Variants in ABCA2 observed in about 807,000 individuals in gnomAD.
The protein encoded by ABCA2 is ATP-binding cassette sub-family A member 2.
ABCA2 carries 84 observed loss-of-function variants against 262.8 expected under a neutral mutation model. The observed-to-expected ratio is 0.32, with a 90% confidence interval of 0.27 to 0.38. The LOEUF is 0.38. Among genes scored for constraint, ABCA2 ranks in the 10% least tolerant of loss-of-function variants. ABCA2 has a pLI of 1.00. For missense variants in ABCA2, 2,662 were observed against 3,405.9 expected (o/e 0.78, Z 5.44); for synonymous variants, 1,696 against 1,502.9 (o/e 1.13, Z -2.97).
chr9:137,015,940 G>GTCCCCCCCC, intron 22 of ABCA2, 22 bp downstream of exon 22: 1 of 1,053,452 alleles, frequency 9.5e-7, no homozygotes, highest in Non-Finnish European at 1.2e-6. Flanking sequence ...CACCTGCCCC[G>GTCCCCCCCC]CCCCCCGCCC....
Position 137,014,393 on chromosome 9 carries a change from A to T in ABCA2, c.4015T>A (p.Ser1339Thr). The T allele has an allele frequency of 6.3e-7, 1 of 1,590,370 alleles. No individual in the cohort carries two copies. Among genetic ancestry groups the T allele is most frequent in the South Asian group, 1.1e-5 (1 of 87,858 alleles). ...GCCCCAGGGAGCACATCCTTCCTGG[A>T]CTCCTTCACATCTGCCGCAGTGGAA... is the stretch of plus-strand genomic sequence containing the variant. ...LENSEADVKE[S>T]RKDVLPGAEG... The change falls in exon 27 of 49, where the codon TCC becomes ACC. Residue 1339 changes from serine (S) to threonine (T), a missense_variant. By Grantham distance (58) the Ser-to-Thr change is moderately conservative. Coordinates refer to ENST00000341511, the MANE Select transcript of ABCA2 (RefSeq NM_001606.5).
rs566039284 is a variant in ABCA2, at chr9:137,017,984, G to A, written c.2085C>T (p.Tyr695=). ...CGCCCAGCACTCACTCATCGCGTGTGTAGCAGGGGTAGGGGAACATCTGCA... is the reference window on the plus strand; with the variant it reads ...CGCCCAGCACTCACTCATCGCGTGTATAGCAGGGGTAGGGGAACATCTGCA... ...SYVQMFPYPC[Y]TRDDFLFVIE... The change falls in exon 15 of 49, where the codon TAC becomes TAT. Residue 695 remains tyrosine (Y), a synonymous_variant. Coordinates refer to ENST00000341511, the MANE Select transcript of ABCA2 (RefSeq NM_001606.5). 11 of 1,612,752 alleles carry A rather than the reference G, an allele frequency of 6.8e-6. No homozygotes were observed. In the South Asian group the frequency reaches 1.1e-4, roughly 16 times the overall value.
Position 137,021,093 on chromosome 9 carries a change from G to C in ABCA2, c.898-32C>G. 1 of 1,457,142 alleles carries C rather than the reference G, an allele frequency of 6.9e-7. No homozygotes were observed. The highest frequency in any genetic ancestry group is 9.0e-7 in the Non-Finnish European group (1 of 1,105,834). 90.3% of individuals were successfully genotyped at this position (1,457,142 alleles called of 1,614,324 possible). ...GGAAACAGGCACGTGGGCAGTGCGGGGTGAGATGGACTGCAGGTGGGTGAT... is the reference window on the plus strand; with the variant it reads ...GGAAACAGGCACGTGGGCAGTGCGGCGTGAGATGGACTGCAGGTGGGTGAT... On this transcript the variant is annotated intron_variant, in intron 8 of 48. Coordinates refer to ENST00000341511, the MANE Select transcript of ABCA2 (RefSeq NM_001606.5). The surrounding 1 kb of genome is among the most constrained non-coding windows in gnomAD (Gnocchi z 6.0).
rs1830987562 is a variant in ABCA2 at position 137,010,273 on chromosome 9, A to G, written c.6273T>C (p.Gly2091=). ...TCTTGAAGGTGCTGGTCTTGCCCGCACCGTTGACGCCCAGGAGCCCGAAGC... is the reference window on the plus strand; with the variant it reads ...TCTTGAAGGTGCTGGTCTTGCCCGCGCCGTTGACGCCCAGGAGCCCGAAGC... ...GECFGLLGVN[G]AGKTSTFKML... Residue 2091 remains glycine, a synonymous_variant, in exon 41 of 49, where the codon GGT becomes GGC. Coordinates refer to ENST00000341511, the MANE Select transcript of ABCA2 (RefSeq NM_001606.5). 2.5e-6 allele frequency: 4 copies of G among 1,597,466 alleles called. No individual in the cohort carries two copies. The highest frequency in any genetic ancestry group is 2.3e-5 in the South Asian group (2 of 88,480).
In ABCA2 at chr9:137,020,896, G is replaced by T. The variant is rs763265864; in HGVS notation, c.1063C>A (p.Arg355=). 1 of 1,555,448 alleles carries T rather than the reference G, an allele frequency of 6.4e-7. No homozygotes were observed. Among genetic ancestry groups the T allele is most frequent in the African/African-American group, 1.4e-5 (1 of 73,690 alleles). Residue 355 remains arginine, a synonymous_variant, in exon 9 of 49, where the codon CGG becomes AGG. Transcript: ENST00000341511. ...CCACTGGCTGGGGGTCCGGGGGTCCGGCCAGTGCAGGCACCCTGGGGCAGT... is the reference window on the plus strand; with the variant it reads ...CCACTGGCTGGGGGTCCGGGGGTCCTGCCAGTGCAGGCACCCTGGGGCAGT... ...LLLPQGACTG[R]TPGPPASGAG... is the part of the protein sequence containing the mutation.
Position 137,013,469 on chromosome 9 carries a change from G to C in ABCA2, c.4542C>G (p.Arg1514=), listed in dbSNP as rs201649376. The change falls in exon 29 of 49, where the codon CGC becomes CGG. Residue 1514 remains arginine (R), a synonymous_variant. Transcript: ENST00000341511. ...CCCGCTGGAGGCCTCACCGGTACTC[G>C]CGGCGCTCCTCGTTGGCGTAGGGGA... is the stretch of plus-strand genomic sequence containing the variant. ...NFIPYANEER[R]EYRLRLSPDA... 699 of 1,605,574 alleles carry C rather than the reference G, an allele frequency of 4.4e-4. No individual in the cohort carries two copies. Among genetic ancestry groups the C allele is most frequent in the Non-Finnish European group, 5.8e-4 (687 of 1,177,816 alleles).
In ABCA2 at chr9:137,019,467, C is replaced by T. The variant is rs1831379387; in HGVS notation, c.1426-161G>A. The T allele has an allele frequency of 8.8e-6, 7 of 799,704 alleles. No individual in the cohort carries two copies. The highest frequency in any genetic ancestry group is 2.8e-5 in the East Asian group (1 of 35,866). The allele number at this position is 799,704 out of a possible 1,614,324, so 49.5% of individuals were successfully genotyped here. Reference sequence around the variant, plus strand: ...CCTGAGACAGGGTCTCAGTCACCCACGCTGGAGTGCAGTGGTGCAGTCCCA... The same window carrying T: ...CCTGAGACAGGGTCTCAGTCACCCATGCTGGAGTGCAGTGGTGCAGTCCCA... On this transcript the variant is annotated intron_variant, in intron 10 of 48. Coordinates refer to ENST00000341511, the MANE Select transcript of ABCA2 (RefSeq NM_001606.5). The surrounding 1 kb of genome is among the most constrained non-coding windows in gnomAD (Gnocchi z 4.4).
At chr9:137,010,495 C>A in intron 40 of ABCA2, 124 bp from the exon 41 acceptor site, 1 of 1,456,248 alleles carries the variant, frequency 6.9e-7, no homozygotes, top group South Asian at 1.3e-5. Context: ...AGCCCCACCC[C>A]ATGCAGGCCC....
chr9:137,007,918 G>T lies in ABCA2; in HGVS notation c.*11C>A, dbSNP rs779844043. ...AGTGGAGCGTGTCCTCCCTGGCCCA[G>T]CTCTGGGTGGTCAGCAGAGCGTGTC... On this transcript the variant is annotated 3_prime_UTR_variant, in exon 49 of 49. Transcript: ENST00000341511. 1 of 1,605,584 alleles carries T rather than the reference G, an allele frequency of 6.2e-7. No individual in the cohort carries two copies. The highest frequency in any genetic ancestry group is 8.5e-7 in the Non-Finnish European group (1 of 1,179,822).
Position 137,011,326 on chromosome 9 carries a change from G to A in ABCA2, c.5800-17C>T, listed in dbSNP as rs750627474. ...CTTCAGGTCCTGCGGGGTGGCCGGGGTCAGGGGCACAGGGGTGGCCGGGGT... is the reference window on the plus strand; with the variant it reads ...CTTCAGGTCCTGCGGGGTGGCCGGGATCAGGGGCACAGGGGTGGCCGGGGT... On this transcript the variant is annotated splice_polypyrimidine_tract_variant and intron_variant, in intron 37 of 48. Coordinates refer to ENST00000341511, the MANE Select transcript of ABCA2 (RefSeq NM_001606.5). The surrounding 1 kb of genome is among the most constrained non-coding windows in gnomAD (Gnocchi z 8.8). The A allele has an allele frequency of 5.0e-6, 8 of 1,607,804 alleles. No individual in the cohort carries two copies. The highest frequency in any genetic ancestry group is 6.8e-6 in the Non-Finnish European group (8 of 1,176,584).
rs1379394494 is a variant in ABCA2 at position 137,012,515 on chromosome 9, C to T, written c.5157G>A (p.Val1719=). The change falls in exon 32 of 49, where the codon GTG becomes GTA. Residue 1719 remains valine (V), a synonymous_variant. Coordinates refer to ENST00000341511, the MANE Select transcript of ABCA2 (RefSeq NM_001606.5). ...CAGCCCTGCGCACCGCGATCTTCCGCACCATGGGTGGGGCCCTGGTGCCAA... is the reference window on the plus strand; with the variant it reads ...CAGCCCTGCGCACCGCGATCTTCCGTACCATGGGTGGGGCCCTGGTGCCAA... ...ASFGTRAPPM[V]RKIAVRRAAQ... 2.4e-5 allele frequency: 39 copies of T among 1,611,942 alleles called. No homozygotes were observed. Among genetic ancestry groups the T allele is most frequent in the Non-Finnish European group, 3.3e-5 (39 of 1,179,866 alleles).
At position 137,021,317 on chromosome 9, in the gene ABCA2, C is replaced by A; in HGVS notation, c.897+75G>T. The A allele has an allele frequency of 1.9e-6, 3 of 1,550,526 alleles. No homozygotes were observed. The South Asian group carries it at 3.5e-5, about 18-fold the overall frequency. ...AGCCTGGGCCCAGGAGCCCTGAGCT[C>A]TCCAAGCGGTCCCAGCCCCTCCTTC... is the stretch of plus-strand genomic sequence containing the variant. On this transcript the variant is annotated intron_variant, in intron 8 of 48. Transcript: ENST00000341511. This position sits in a 1 kb window ranked among gnomAD's most constrained non-coding sequence, Gnocchi z 6.0.
In ABCA2 at chr9:137,025,156, G is replaced by C. The variant is rs189741628; in HGVS notation, c.67-920C>G. Among the ~76,000 whole-genome samples, 10 of 152,300 alleles carry C rather than the reference G, an allele frequency of 6.6e-5. No homozygotes were observed. In the East Asian group the frequency reaches 1.7e-3, roughly 26 times the overall value. On this transcript the variant is annotated intron_variant, in intron 1 of 48. Transcript: ENST00000341511. Reference sequence around the variant, plus strand: ...CTTGGAGCTCAGTTTCCCCAGGTCGGCTCCTGCTAACCCAGGCTGGGCACC... The same window carrying C: ...CTTGGAGCTCAGTTTCCCCAGGTCGCCTCCTGCTAACCCAGGCTGGGCACC...
Position 137,009,407 on chromosome 9 carries a change from G to A in ABCA2, c.6790C>T (p.Leu2264=). The A allele has an allele frequency of 7.1e-7, 1 of 1,405,754 alleles. No individual in the cohort carries two copies. The highest frequency in any genetic ancestry group is 3.9e-5 in the East Asian group (1 of 25,608). The allele number at this position is 1,405,754 out of a possible 1,614,324, so 87.1% of individuals were successfully genotyped here. The change falls in exon 45 of 49, where the codon CTG becomes TTG. Residue 2264 remains leucine, a synonymous_variant. Coordinates refer to ENST00000341511, the MANE Select transcript of ABCA2 (RefSeq NM_001606.5). ...TRLAIMVNGR[L]RCLGSIQHLK... ...TGCTGGATGCTGCCCAGGCACCGCA[G>A]GCGACCGTTCACCATGATGGCCAGC...
Position 137,010,079 on chromosome 9 carries a change from G to A in ABCA2, c.6399C>T (p.Cys2133=). 1 of 1,599,438 alleles carries A rather than the reference G, an allele frequency of 6.3e-7. No homozygotes were observed. Among genetic ancestry groups the A allele is most frequent in the Non-Finnish European group, 8.5e-7 (1 of 1,177,256 alleles). The change falls in exon 42 of 49, where the codon TGC becomes TGT. Residue 2133 remains cysteine (C), a synonymous_variant. Transcript: ENST00000341511. ...LLQVQQSLGY[C]PQCDALFDEL... Reference sequence around the variant, plus strand: ...CGTCGAACAGCGCGTCACACTGCGGGCAGTAGCCGAGGCTCTGCTGCACCT... The same window carrying A: ...CGTCGAACAGCGCGTCACACTGCGGACAGTAGCCGAGGCTCTGCTGCACCT...
Position 137,012,393 on chromosome 9 carries a change from A to G in ABCA2, c.5188-17T>C. 1 of 1,610,470 alleles carries G rather than the reference A, an allele frequency of 6.2e-7. No individual in the cohort carries two copies. Among genetic ancestry groups the G allele is most frequent in the Non-Finnish European group, 8.5e-7 (1 of 1,178,288 alleles). Reference sequence around the variant, plus strand: ...GTAGAAAACCTGCAGAAGGAAGAGGACACAGAAAGGCCCCAGGACCTCAGA... The same window carrying G: ...GTAGAAAACCTGCAGAAGGAAGAGGGCACAGAAAGGCCCCAGGACCTCAGA... On this transcript the variant is annotated splice_polypyrimidine_tract_variant and intron_variant, in intron 32 of 48. Coordinates refer to ENST00000341511, the MANE Select transcript of ABCA2 (RefSeq NM_001606.5).
intron 3 of ABCA2, chr9:137,023,605 C>G: frequency 1.4e-6 from 1 of 725,616 alleles, no homozygotes; most frequent in South Asian, 1.4e-5. Flanking sequence ...AGAGATGCCG[C>G]CTCAGCTTGA....
In ABCA2 at chr9:137,012,470, C is replaced by T. The variant is rs139056255; in HGVS notation, c.5187+15G>A. On this transcript the variant is annotated intron_variant, in intron 32 of 48. Transcript: ENST00000341511. ...CGCTACACACAGCGGGGCCCAGGCC[C>T]GCAGCCTCGCTCACCTGGGCAGCCC... 1.3e-4 allele frequency: 216 copies of T among 1,610,824 alleles called. No homozygotes were observed. The highest frequency in any genetic ancestry group is 5.5e-4 in the African/African-American group (41 of 75,040).
At position 137,009,859 on chromosome 9, in the gene ABCA2, T is replaced by G; in HGVS notation, c.6540A>C (p.Ala2180=). ...ALEKLELTKY[A]DKPAGTYSGG... is the part of the protein sequence containing the mutation. ...CGCTGTAGGTGCCAGCCGGCTTGTC[T>G]GCGTACTTGGTCAGCTCCAGCTTCT... Residue 2180 remains alanine, a synonymous_variant, in exon 43 of 49, where the codon GCA becomes GCC. Transcript: ENST00000341511. 1 of 1,612,342 alleles carries G rather than the reference T, an allele frequency of 6.2e-7. No individual in the cohort carries two copies. Among genetic ancestry groups the G allele is most frequent in the South Asian group, 1.1e-5 (1 of 91,000 alleles).
Sources: gnomAD v4.1 joint callset for allele counts (sites outside exome capture counted in the v4.1 genomes callset) on GRCh38, gnomAD v4.1.1 for gene constraint, Gnocchi (gnomAD v3.1) non-coding constraint, MANE v1.5 for transcripts, NCBI Gene and HGNC (gene_info 2026-07-23, HGNC 2026-07-21) for gene names.